Variants in PARD3B observed in about 807,000 individuals in gnomAD.
PARD3B encodes partitioning defective 3 homolog B.
In PARD3B, 103 loss-of-function variants were observed where a neutral mutation model predicts 130.2. The ratio of observed to expected loss-of-function variants is 0.79; its 90% confidence interval spans 0.67 to 0.93. The LOEUF (loss-of-function observed/expected upper bound fraction) is 0.93. PARD3B is among the 40% of genes least tolerant of loss of function. PARD3B has a pLI of 0.00. For synonymous variants in PARD3B, 583 were observed against 553.2 expected (o/e 1.05, Z -0.76); for missense variants, 1,609 against 1,499.2 (o/e 1.07, Z -1.21).
chr2:205,554,838 G>A lies in PARD3B; in HGVS notation c.3260+1435G>A, dbSNP rs367794411. The stretch of plus-strand genomic sequence containing the variant: ...ATCTAGGGATGATATAACGTGTATG[G>A]GAAGATGTGCATAGGTTATATACTA... On this transcript the variant is annotated intron_variant, in intron 22 of 22. Transcript: ENST00000406610. Among the ~76,000 whole-genome samples, 18 of 152,194 alleles carry A rather than the reference G, an allele frequency of 1.2e-4. No homozygotes were observed. The South Asian group carries it at 2.7e-3, about 23-fold the overall frequency.
chr2:205,430,349 C>T (rs372560422), intron 19 of PARD3B, among the ~76,000 whole-genome samples: 21 of 152,184 alleles, frequency 1.4e-4, no homozygotes, highest in African/African-American at 5.1e-4. Flanking sequence ...ATTCAACCTA[C>T]CAGAGTACTC....
chr2:205,477,564 C>T (rs1025493309), intron 20 of PARD3B, among the ~76,000 whole-genome samples: 4 of 151,784 alleles, frequency 2.6e-5, no homozygotes, highest in East Asian at 1.9e-4. Context: ...GGTAAACAGA[C>T]GTCTGTCCTT....
intron 22 of PARD3B, among the ~76,000 whole-genome samples, chr2:205,599,730 G>C (rs972787613): frequency 3.3e-5 from 5 of 152,204 alleles, no homozygotes; most frequent in African/African-American, 1.2e-4. Context: ...TCTGCATTCA[G>C]GTTCCAGTCA....
chr2:205,480,021 G>A (rs758948108), intron 20 of PARD3B, among the ~76,000 whole-genome samples: 3 of 150,812 alleles, frequency 2.0e-5, no homozygotes, highest in Non-Finnish European at 4.4e-5. Flanking sequence ...TCCTGCCTCA[G>A]CCTCCTGAGT....
intron 21 of PARD3B, among the ~76,000 whole-genome samples, chr2:205,503,738 G>A (rs1172469115): frequency 6.6e-6 from 1 of 150,460 alleles, no homozygotes; most frequent in Admixed American, 6.6e-5. Context: ...GATGGGGATG[G>A]CATTGAATCT....
At chr2:205,570,110 C>T (rs560936264) in intron 22 of PARD3B, among the ~76,000 whole-genome samples, 3 of 152,176 alleles carry the variant, frequency 2.0e-5, no homozygotes, top group Admixed American at 6.5e-5. Flanking sequence ...TTGGCTAAGC[C>T]GAAAGGAACT....
At chr2:205,196,014 C>G (rs558322236) in intron 15 of PARD3B, among the ~76,000 whole-genome samples, 136 of 152,234 alleles carry the variant, frequency 8.9e-4, no homozygotes, top group Non-Finnish European at 1.1e-3. Context: ...TTCATCTGCT[C>G]AAGCTATTTT....
At chr2:205,037,858 A>C (rs528639221) in intron 3 of PARD3B, among the ~76,000 whole-genome samples, 1 of 152,202 alleles carries the variant, frequency 6.6e-6, no homozygotes, top group East Asian at 1.9e-4. Flanking sequence ...TAAATTTTAC[A>C]AAATTATATA....
Position 205,550,946 on chromosome 2 carries a change from T to TAG in PARD3B, c.3181-2377_3181-2376insGA, listed in dbSNP as rs2052603048. On this transcript the variant is annotated intron_variant, in intron 21 of 22. Coordinates refer to ENST00000406610, the MANE Select transcript of PARD3B (RefSeq NM_001302769.2). This position sits in a 1 kb window ranked among gnomAD's most constrained non-coding sequence, Gnocchi z 4.5. ...TTATGTGTGTGTGTGTGTGTGTATATATATATGTGTATATATATATATATA... is the reference window on the plus strand; with the variant it reads ...TTATGTGTGTGTGTGTGTGTGTATATAGATATATGTGTATATATATATATATA... Among the ~76,000 whole-genome samples the TAG allele has an allele frequency of 1.2e-5, 1 of 80,882 alleles. No homozygotes were observed. 53.1% of individuals were successfully genotyped at this position (80,882 alleles called of 152,430 possible). A position where few individuals can be genotyped will look rare whatever the true frequency, so the allele number is the denominator to read the frequency against.
chr2:204,715,328 T>C (rs1021930909), intron 2 of PARD3B, among the ~76,000 whole-genome samples: 4 of 152,200 alleles, frequency 2.6e-5, no homozygotes, highest in African/African-American at 9.7e-5. Context: ...CAAAATTCTT[T>C]TTAAAATGTA....
At chr2:205,000,385 G>A (rs181859169) in intron 3 of PARD3B, among the ~76,000 whole-genome samples, 10 of 152,116 alleles carry the variant, frequency 6.6e-5, no homozygotes, top group South Asian at 2.1e-4. Flanking sequence ...GTTGGGGGAC[G>A]AGATAAGGTT....
At chr2:205,275,037 G>C (rs1574566751) in intron 16 of PARD3B, among the ~76,000 whole-genome samples, 1 of 152,014 alleles carries the variant, frequency 6.6e-6, no homozygotes, top group Non-Finnish European at 1.5e-5. Context: ...TGTGCCTTTT[G>C]AATACATGTT....
intron 22 of PARD3B, among the ~76,000 whole-genome samples, chr2:205,605,331 G>C (rs992884741): frequency 9.2e-5 from 14 of 152,160 alleles, no homozygotes; most frequent in African/African-American, 2.9e-4. Context: ...TGTTGTTGTT[G>C]ATTCTCATCT....
At chr2:204,875,206 T>G (rs1435063511) in intron 2 of PARD3B, among the ~76,000 whole-genome samples, 3 of 152,170 alleles carry the variant, frequency 2.0e-5, no homozygotes, top group Admixed American at 6.6e-5. Flanking sequence ...CTTAGGACAT[T>G]TTAATCACCT....
chr2:205,579,459 A>T (rs2106565378), intron 22 of PARD3B, among the ~76,000 whole-genome samples: 1 of 152,262 alleles, frequency 6.6e-6, no homozygotes, highest in South Asian at 2.1e-4. Context: ...GCCGACAGGG[A>T]AGGCAGCTGC....
At chr2:204,843,858 G>A (rs1026553899) in intron 2 of PARD3B, among the ~76,000 whole-genome samples, 4 of 151,992 alleles carry the variant, frequency 2.6e-5, no homozygotes, top group African/African-American at 7.3e-5. Context: ...GTTATTCAGA[G>A]GATCTCAAAA....
chr2:205,143,640 G>A (rs1395546410), intron 10 of PARD3B, among the ~76,000 whole-genome samples: 1 of 152,146 alleles, frequency 6.6e-6, no homozygotes, highest in Admixed American at 6.5e-5. Context: ...TACTGAGGAA[G>A]AGTAATGTGA....
chr2:205,324,959 T>C (rs1381955063), intron 18 of PARD3B, among the ~76,000 whole-genome samples: 1 of 152,214 alleles, frequency 6.6e-6, no homozygotes, highest in Non-Finnish European at 1.5e-5. Context: ...TGTGTCCTTT[T>C]CTCTCACCTG....
intron 2 of PARD3B, among the ~76,000 whole-genome samples, chr2:204,881,241 C>A (rs1161400449): frequency 6.6e-6 from 1 of 152,000 alleles, no homozygotes; most frequent in Admixed American, 6.5e-5. Flanking sequence ...GTTGACCAGT[C>A]TGTATGTGTG....
Sources: gnomAD v4.1 joint callset for allele counts (sites outside exome capture counted in the v4.1 genomes callset) on GRCh38, gnomAD v4.1.1 for gene constraint, Gnocchi (gnomAD v3.1) non-coding constraint, MANE v1.5 for transcripts, NCBI Gene and HGNC (gene_info 2026-07-23, HGNC 2026-07-21) for gene names.